The following DSCAM variants were observed in gnomAD, a reference collection of about 807,000 sequenced individuals.
DSCAM encodes DS cell adhesion molecule, also known as cell adhesion molecule DSCAM.
Under a neutral mutation model 217.7 loss-of-function variants are expected in DSCAM, and 47 were observed. The observed-to-expected ratio is 0.22, with a 90% CI of 0.17 to 0.28. The LOEUF (loss-of-function observed/expected upper bound fraction) is 0.28, where lower values mean the gene tolerates loss of function less well. DSCAM is among the 10% of genes least tolerant of loss of function. DSCAM has a pLI of 1.00. For missense variants in DSCAM, 2,080 were observed against 2,618.3 expected, an observed-to-expected ratio of 0.79 and a Z score of 4.49; for synonymous variants, 1,056 against 1,015.3, an observed-to-expected ratio of 1.04 and a Z score of -0.76.
chr21:40,025,108 T>TTCTG (rs1195931429), intron 32 of DSCAM, among the ~76,000 whole-genome samples: 1 of 128,690 alleles, frequency 7.8e-6, no homozygotes, highest in African/African-American at 2.9e-5. Context: ...CAAAGGCCTT[T>TTCTG]TCTGCATCTA....
intron 10 of DSCAM, among the ~76,000 whole-genome samples, chr21:40,286,900 A>C (rs1222491482): frequency 6.6e-6 from 1 of 150,472 alleles, no homozygotes. Flanking sequence ...CCACAGGTGG[A>C]TCTGAAGCAT....
chr21:40,085,507 A>G (rs2089520256), intron 23 of DSCAM, 95 bp downstream of exon 23: 4 of 1,156,686 alleles, frequency 3.5e-6, no homozygotes, highest in African/African-American at 3.1e-5. Context: ...TTAGCTCTTT[A>G]TAAGGGCTGA....
In DSCAM at chr21:40,347,886, A is replaced by G; in HGVS notation, c.994T>C (p.Ser332Pro). ...KVKSSVGSQV[S>P]LSCSVTGTED... ...GTTCCTGTCACGCTGCAGGACAAGGAAACTTGGCTACCCACGCTGCTTTTA... is the reference window on the plus strand; with the variant it reads ...GTTCCTGTCACGCTGCAGGACAAGGGAACTTGGCTACCCACGCTGCTTTTA... The change falls in exon 6 of 33, where the codon TCC (serine) becomes CCC (proline). Residue 332 changes from serine to proline, a missense_variant. Coordinates refer to ENST00000400454, the MANE Select transcript of DSCAM (RefSeq NM_001389.5). 9 of 1,614,040 alleles carry G rather than the reference A, an allele frequency of 5.6e-6. No individual in the cohort carries two copies. Among genetic ancestry groups the G allele is most frequent in the Non-Finnish European group, 7.6e-6 (9 of 1,179,960 alleles).
chr21:40,619,707 C>T (rs192487317), intron 3 of DSCAM, among the ~76,000 whole-genome samples: 71 of 152,028 alleles, frequency 4.7e-4, no homozygotes, highest in African/African-American at 1.4e-3. Flanking sequence ...ATTGTAAATA[C>T]GCCGATCGAT....
chr21:40,439,268 T>G (rs926258480), intron 3 of DSCAM, among the ~76,000 whole-genome samples: 1 of 152,192 alleles, frequency 6.6e-6, no homozygotes, highest in Admixed American at 6.5e-5. Flanking sequence ...CCACAACATA[T>G]ACACAGGCAA....
intron 1 of DSCAM, among the ~76,000 whole-genome samples, chr21:40,794,084 T>A (rs572105500): frequency 6.6e-6 from 1 of 152,300 alleles, no homozygotes; most frequent in Admixed American, 6.5e-5. Context: ...TGCCTTCTTT[T>A]TCTAGAGATT....
In DSCAM at chr21:40,537,017, T is replaced by A. The variant is rs150171390; in HGVS notation, c.508+155793A>T. ...CCTAACTTATTCCAAACTTTCCGGA[T>A]GAAAAGGCAGAGGATTTTCTACTCC... On this transcript the variant is annotated intron_variant, in intron 3 of 32. Coordinates refer to ENST00000400454, the MANE Select transcript of DSCAM (RefSeq NM_001389.5). Among the ~76,000 whole-genome samples the A allele has an allele frequency of 8.5e-5, 13 of 152,262 alleles. No homozygotes were observed. The East Asian group carries it at 2.3e-3, about 27-fold the overall frequency.
chr21:40,206,512 T>C (rs1003900582), intron 11 of DSCAM, among the ~76,000 whole-genome samples: 6 of 152,070 alleles, frequency 3.9e-5, no homozygotes, highest in Non-Finnish European at 5.9e-5. Flanking sequence ...GGGCACACAT[T>C]GAGACCCAGT....
chr21:40,311,609 C>T (rs1241478638), intron 9 of DSCAM, among the ~76,000 whole-genome samples: 2 of 152,134 alleles, frequency 1.3e-5, no homozygotes. Context: ...GCAAAGAAAA[C>T]CACATTTCTA....
intron 16 of DSCAM, among the ~76,000 whole-genome samples, chr21:40,165,481 A>C (rs1341016568): frequency 6.6e-6 from 1 of 152,232 alleles, no homozygotes; most frequent in Non-Finnish European, 1.5e-5. Flanking sequence ...CAATGTATTC[A>C]GTCGATTCAC....
intron 1 of DSCAM, among the ~76,000 whole-genome samples, chr21:40,781,116 C>G (rs1470497381): frequency 6.6e-6 from 1 of 152,080 alleles, no homozygotes; most frequent in Non-Finnish European, 1.5e-5. Flanking sequence ...TCAAGCAATT[C>G]TCCCACCTCA....
chr21:40,834,966 A>C lies in DSCAM; in HGVS notation c.43+11653T>G, dbSNP rs115634812. 4.7e-3 allele frequency among the ~76,000 whole-genome samples: 718 copies of C among 152,270 alleles called. 6 individuals carry two copies. The highest frequency in any genetic ancestry group is 0.016 in the African/African-American group (665 of 41,560). On this transcript the variant is annotated intron_variant, in intron 1 of 32. Coordinates refer to ENST00000400454, the MANE Select transcript of DSCAM (RefSeq NM_001389.5). ...CCACCACAATCGACTCATTGCATAA[A>C]CTTAACCTGCCTTGGCCACCAGTCA...
chr21:40,499,562 G>C (rs4818136), intron 3 of DSCAM, among the ~76,000 whole-genome samples: 13,510 of 152,240 alleles, frequency 0.089, 699 homozygotes, highest in Middle Eastern at 0.16. Flanking sequence ...ATGATCCAAC[G>C]TGCCCATTAA....
At position 40,650,137 on chromosome 21, in the gene DSCAM, T is replaced by C. The variant is rs1239732478; in HGVS notation, c.508+42673A>G. On this transcript the variant is annotated intron_variant, in intron 3 of 32. Coordinates refer to ENST00000400454, the MANE Select transcript of DSCAM (RefSeq NM_001389.5). The stretch of plus-strand genomic sequence containing the variant: ...GACGGGGACTTTTTTTTTCTTTTTT[T>C]AATTGAACTGCTTCCCAAGGTCAAA... Among the ~76,000 whole-genome samples the C allele has an allele frequency of 2.0e-5, 3 of 152,206 alleles. No homozygotes were observed. The East Asian group carries it at 5.8e-4, about 29-fold the overall frequency.
At chr21:40,609,870 T>C (rs1043216699) in intron 3 of DSCAM, among the ~76,000 whole-genome samples, 30 of 152,222 alleles carry the variant, frequency 2.0e-4, no homozygotes, top group African/African-American at 7.0e-4. Context: ...GTGGTGAGAC[T>C]ATCACGGCTG....
chr21:40,484,770 C>CCCCACCCTGACGTCACAAAGAGGT (rs1257795141), intron 3 of DSCAM, among the ~76,000 whole-genome samples: 6 of 152,134 alleles, frequency 3.9e-5, no homozygotes, highest in African/African-American at 1.4e-4. Context: ...CTGTGGTTAC[C>CCCCACCCTGACGTCACAAAGAGGT]TGTTTTATAC....
intron 3 of DSCAM, among the ~76,000 whole-genome samples, chr21:40,399,948 AC>A (rs2075218739): frequency 6.6e-6 from 1 of 152,204 alleles, no homozygotes; most frequent in South Asian, 2.1e-4. Flanking sequence ...GTTCCAGGGA[AC>A]ATATTTCTAA....
At chr21:40,461,015 G>A (rs2075801407) in intron 3 of DSCAM, among the ~76,000 whole-genome samples, 1 of 152,122 alleles carries the variant, frequency 6.6e-6, no homozygotes. Flanking sequence ...ATCAGTTACA[G>A]CCCTGTTCAT....
chr21:40,409,729 T>G lies in DSCAM; in HGVS notation c.509-40484A>C, dbSNP rs7278097. Among the ~76,000 whole-genome samples, 11 of 152,324 alleles carry G rather than the reference T, an allele frequency of 7.2e-5. 1 individual carries two copies. Among genetic ancestry groups the G allele is most frequent in the African/African-American group, 2.4e-4 (10 of 41,570 alleles). The stretch of plus-strand genomic sequence containing the variant: ...GAGAAATCAAGTAGAAACCACAGAA[T>G]TGTATTAATATTACCTTAGTAAGGG... On this transcript the variant is annotated intron_variant, in intron 3 of 32. Transcript: ENST00000400454.
Sources: allele counts gnomAD v4.1 joint callset (sites outside exome capture counted in the v4.1 genomes callset), GRCh38; gene constraint gnomAD v4.1.1; transcripts MANE v1.5; gene names NCBI Gene and HGNC (gene_info 2026-07-23, HGNC 2026-07-21).